PTPN7: variants seen among roughly 807,000 people sequenced by gnomAD.
PTPN7 encodes the protein tyrosine-protein phosphatase non-receptor type 7.
Under a neutral mutation model 50.3 loss-of-function variants are expected in PTPN7, and 33 were observed. That is an observed-to-expected ratio of 0.66 (90% confidence interval 0.50 to 0.88). PTPN7 has a LOEUF of 0.88. Ranked by LOEUF, PTPN7 falls within the 40% of genes least tolerant of loss-of-function variation. The pLI is 0.00. For synonymous variants in PTPN7, 185 were observed against 186.6 expected, an observed-to-expected ratio of 0.99 and a Z score of 0.07; for missense variants, 412 against 475.4, an observed-to-expected ratio of 0.87 and a Z score of 1.24.
At position 202,159,281 on chromosome 1, in the gene PTPN7, C is replaced by T. The variant is rs1315938458; in HGVS notation, c.122G>A (p.Arg41Lys). The T allele has an allele frequency of 6.2e-7, 1 of 1,614,034 alleles. No individual in the cohort carries two copies. Among genetic ancestry groups the T allele is most frequent in the Non-Finnish European group, 8.5e-7 (1 of 1,179,916 alleles). ...PAKKHVRLQE[R>K]RGSNVALMLD... ...ACCCCTCCCCCAGGGAAGATCTCAC[C>T]TCTCCTGCAGTCGCACATGCTTCTT... Residue 41 changes from arginine to lysine, a missense_variant and splice_region_variant, in exon 2 of 10, where the codon AGG becomes AAG. By Grantham distance (26) the Arg-to-Lys change is conservative (BLOSUM62 2). Coordinates refer to ENST00000691036, the MANE Select transcript of PTPN7 (RefSeq NM_002832.4). This position sits in a 1 kb window ranked among gnomAD's most constrained non-coding sequence, Gnocchi z 4.6.
At chr1:202,152,439 G>A in intron 8 of PTPN7, 103 bp downstream of exon 8, 1 of 1,354,238 alleles carries the variant, frequency 7.4e-7, no homozygotes, top group East Asian at 2.4e-5. Context: ...TAAGGACTAG[G>A]CTTGCCTGAT....
At chr1:202,155,661 A>G in intron 4 of PTPN7, 52 bp from the exon 5 acceptor site, 3 of 1,456,332 alleles carry the variant, frequency 2.1e-6, no homozygotes, top group Non-Finnish European at 2.9e-6. Flanking sequence ...ACCAACTAAC[A>G]CAGACTCAAG....
In PTPN7 at chr1:202,159,555, G is replaced by A. The variant is rs760315889; in HGVS notation, c.-52-101C>T. Reference sequence around the variant, plus strand: ...GTTTGCACTCTGTTTTCACTGGGGCGTCTTCTGTTCCCCAAGAGGTGGCCT... The same window carrying A: ...GTTTGCACTCTGTTTTCACTGGGGCATCTTCTGTTCCCCAAGAGGTGGCCT... On this transcript the variant is annotated intron_variant, in intron 1 of 9. Transcript: ENST00000691036. The surrounding 1 kb of genome is among the most constrained non-coding windows in gnomAD (Gnocchi z 4.6). The A allele has an allele frequency of 7.9e-6, 12 of 1,510,474 alleles. No individual in the cohort carries two copies. Among genetic ancestry groups the A allele is most frequent in the Admixed American group, 4.3e-5 (2 of 46,238 alleles). The allele number at this position is 1,510,474 out of a possible 1,614,324, so 93.6% of individuals were successfully genotyped here. A position where few individuals can be genotyped will look rare whatever the true frequency, so the allele number is the denominator to read the frequency against.
rs145836569 is a variant in PTPN7, at chr1:202,152,687, G to T, written c.730C>A (p.Arg244Ser). 1.2e-6 allele frequency: 2 copies of T among 1,613,922 alleles called. No homozygotes were observed. Among genetic ancestry groups the T allele is most frequent in the East Asian group, 2.2e-5 (1 of 44,900 alleles). ...AAGAGGATGTGCTTTACTGACCGGCGCTCTTCCTGGTACTGGATTGGAGAC... is the reference window on the plus strand; with the variant it reads ...AAGAGGATGTGCTTTACTGACCGGCTCTCTTCCTGGTACTGGATTGGAGAC... ...RQLTIQYQEERRSVKHILFSA... is the reference protein window; with the variant it reads ...RQLTIQYQEESRSVKHILFSA... Residue 244 changes from arginine (R) to serine (S), a missense_variant, in exon 8 of 10, where the codon CGC becomes AGC. By Grantham distance (110) the Arg-to-Ser change is moderately radical. Coordinates refer to ENST00000691036, the MANE Select transcript of PTPN7 (RefSeq NM_002832.4).
In PTPN7 at chr1:202,154,137, G is replaced by A. The variant is rs200072439; in HGVS notation, c.606+49C>T. 4.8e-5 allele frequency: 77 copies of A among 1,610,414 alleles called. 1 individual carries two copies. In the Middle Eastern group the frequency reaches 5.7e-4, roughly 12 times the overall value. On this transcript the variant is annotated intron_variant, in intron 6 of 9. Transcript: ENST00000691036. Reference sequence around the variant, plus strand: ...CCTGTGTGTGGGGTGGGGGTGGGGTGGGCATAGCACTTTCTGGGTTCATCA... The same window carrying A: ...CCTGTGTGTGGGGTGGGGGTGGGGTAGGCATAGCACTTTCTGGGTTCATCA...
intron 2 of PTPN7, 66 bp from the exon 3 acceptor site, chr1:202,158,367 C>A: frequency 1.3e-6 from 2 of 1,545,406 alleles, no homozygotes; most frequent in Non-Finnish European, 1.8e-6. Context: ...TTCTTTTTAT[C>A]TTTTCTTTTA....
Position 202,160,260 on chromosome 1 carries a change from G to A in PTPN7, c.-53+285C>T, listed in dbSNP as rs562427034. ...GTTGAATCACCAAGGCAGCAGGGAC[G>A]GAGGTGAGGGGACAGAATGGGCCTG... On this transcript the variant is annotated intron_variant, in intron 1 of 9. Transcript: ENST00000691036. This position sits in a 1 kb window ranked among gnomAD's most constrained non-coding sequence, Gnocchi z 4.8. 1.2e-4 allele frequency among the ~76,000 whole-genome samples: 18 copies of A among 152,242 alleles called. No individual in the cohort carries two copies. Among genetic ancestry groups the A allele is most frequent in the South Asian group, 2.1e-4 (1 of 4,828 alleles).
rs373578077 is a variant in PTPN7, at chr1:202,154,649, A to C, written c.469-326T>G. Reference sequence around the variant, plus strand: ...TGTAGAGTGGATTAAATTCAGTAAGATATATTGAGAGTCTAGCCGATAGCA... The same window carrying C: ...TGTAGAGTGGATTAAATTCAGTAAGCTATATTGAGAGTCTAGCCGATAGCA... On this transcript the variant is annotated intron_variant, in intron 5 of 9. Coordinates refer to ENST00000691036, the MANE Select transcript of PTPN7 (RefSeq NM_002832.4). Among the ~76,000 whole-genome samples the C allele has an allele frequency of 5.3e-5, 8 of 152,296 alleles. 1 individual carries two copies. Among genetic ancestry groups the C allele is most frequent in the African/African-American group, 1.9e-4 (8 of 41,576 alleles).
intron 8 of PTPN7, 74 bp from the exon 9 acceptor site, chr1:202,150,498 GAGAA>G: frequency 8.1e-7 from 1 of 1,228,830 alleles, no homozygotes; most frequent in Non-Finnish European, 1.2e-6. Flanking sequence ...CCAAACTATG[GAGAA>G]AGAAATGGGA....
chr1:202,159,621 C>G lies in PTPN7; in HGVS notation c.-52-167G>C, dbSNP rs531880366. On this transcript the variant is annotated intron_variant, in intron 1 of 9. Coordinates refer to ENST00000691036, the MANE Select transcript of PTPN7 (RefSeq NM_002832.4). This position sits in a 1 kb window ranked among gnomAD's most constrained non-coding sequence, Gnocchi z 4.6. ...AAGGACAGGATCTATTTGGTGGGAC[C>G]CAGGGCAGAAGGCAGTCTCGGGGTA... 3.0e-5 allele frequency: 44 copies of G among 1,469,404 alleles called. No homozygotes were observed. The East Asian group carries it at 9.0e-4, about 30-fold the overall frequency. The allele number at this position is 1,469,404 out of a possible 1,614,324, so 91.0% of individuals were successfully genotyped here.
chr1:202,157,236 G>A (rs1299049020), intron 4 of PTPN7, among the ~76,000 whole-genome samples: 4 of 152,196 alleles, frequency 2.6e-5, no homozygotes, highest in South Asian at 2.1e-4. Flanking sequence ...GAGGCTGGAC[G>A]CGGTGGCTTA....
chr1:202,160,064 C>T lies in PTPN7; in HGVS notation c.-53+481G>A, dbSNP rs1352643399. ...TCCTCCTGCCCATCCCCCCGTCTCC[C>T]GCCTCTGTAACCGTCACAGGAAATG... On this transcript the variant is annotated intron_variant, in intron 1 of 9. Coordinates refer to ENST00000691036, the MANE Select transcript of PTPN7 (RefSeq NM_002832.4). The surrounding 1 kb of genome is among the most constrained non-coding windows in gnomAD (Gnocchi z 4.8). 1.9e-5 allele frequency: 16 copies of T among 852,222 alleles called. No homozygotes were observed. Among genetic ancestry groups the T allele is most frequent in the East Asian group, 1.2e-4 (1 of 8,506 alleles). 52.8% of individuals were successfully genotyped at this position (852,222 alleles called of 1,614,324 possible).
intron 7 of PTPN7, 145 bp from the exon 8 acceptor site, chr1:202,152,844 C>T: frequency 5.8e-6 from 5 of 865,932 alleles, no homozygotes; most frequent in Non-Finnish European, 7.0e-6. Context: ...AATTTTCGTG[C>T]TCATTGTTCT....
chr1:202,148,833 T>A, intron 9 of PTPN7, 134 bp from the exon 10 acceptor site: 2 of 470,236 alleles, frequency 4.3e-6, no homozygotes, highest in Non-Finnish European at 7.3e-6. Context: ...CCTTTGCCTA[T>A]ATTCATCTTT....
rs758133066 is a variant in PTPN7, at chr1:202,159,331, C to G, written c.72G>C (p.Gln24His). 1.2e-6 allele frequency: 2 copies of G among 1,614,102 alleles called. No individual in the cohort carries two copies. The highest frequency in any genetic ancestry group is 4.5e-5 in the East Asian group (2 of 44,884). ...LTLSLGAAMT[Q>H]PPPEKTPAKK... ...TGGCTGGCGTTTTTTCAGGCGGAGG[C>G]TGGGTCATGGCTGCCCCCAAAGACA... The change falls in exon 2 of 10, where the codon CAG becomes CAC. Residue 24 changes from glutamine (Q) to histidine (H), a missense_variant. Transcript: ENST00000691036. This position sits in a 1 kb window ranked among gnomAD's most constrained non-coding sequence, Gnocchi z 4.6.
Position 202,148,275 on chromosome 1 carries a change from T to A in PTPN7, c.*331A>T. Reference sequence around the variant, plus strand: ...AGGAAACTGAAGCTCACAAAGAGTGTCTCAGAGAACACCAGGACACCTGGG... The same window carrying A: ...AGGAAACTGAAGCTCACAAAGAGTGACTCAGAGAACACCAGGACACCTGGG... On this transcript the variant is annotated 3_prime_UTR_variant, in exon 10 of 10. Transcript: ENST00000691036. The A allele has an allele frequency of 4.3e-6, 1 of 235,162 alleles. No individual in the cohort carries two copies. Among genetic ancestry groups the A allele is most frequent in the Non-Finnish European group, 8.2e-6 (1 of 121,768 alleles). The allele number at this position is 235,162 out of a possible 1,614,324, so 14.6% of individuals were successfully genotyped here. A position where few individuals can be genotyped will look rare whatever the true frequency, so the allele number is the denominator to read the frequency against.
At chr1:202,149,316 AGCCTTGGGTCGG>A (rs1032948442) in intron 9 of PTPN7, among the ~76,000 whole-genome samples, 1 of 152,204 alleles carries the variant, frequency 6.6e-6, no homozygotes, top group African/African-American at 2.4e-5. Flanking sequence ...AGATCTCTGA[AGCCTTGGGTCGG>A]GCCAGGAATA....
upstream of PTPN7, chr1:202,161,496 C>G: frequency 7.8e-7 from 1 of 1,289,828 alleles, no homozygotes; most frequent in Non-Finnish European, 1.0e-6. Context: ...TCCAAGACTC[C>G]TCTGCCCACT....
Position 202,155,581 on chromosome 1 carries a change from C to T in PTPN7, c.420G>A (p.Arg140=), listed in dbSNP as rs893899479. 12 of 1,572,820 alleles carry T rather than the reference C, an allele frequency of 7.6e-6. No homozygotes were observed. The highest frequency in any genetic ancestry group is 1.4e-5 in the African/African-American group (1 of 73,866). Residue 140 remains arginine (R), a synonymous_variant, in exon 5 of 10, where the codon CGG becomes CGA. Coordinates refer to ENST00000691036, the MANE Select transcript of PTPN7 (RefSeq NM_002832.4). The part of the protein sequence containing the change: ...PNPQSRVCLG[R]AQSQEDGDYI... ...AATCTCCGTCCTCCTGGCTCTGTGC[C>T]CGGCCTAGACAGACACGGCTCTGGG...
Sources: allele counts gnomAD v4.1 joint callset (sites outside exome capture counted in the v4.1 genomes callset), GRCh38; gene constraint gnomAD v4.1.1; non-coding constraint Gnocchi (gnomAD v3.1); transcripts MANE v1.5; gene names NCBI Gene and HGNC (gene_info 2026-07-23, HGNC 2026-07-21).